Variants in HS6ST3 observed in about 807,000 individuals in gnomAD.
HS6ST3 encodes heparan-sulfate 6-O-sulfotransferase 3.
A neutral mutation model predicts 36.7 loss-of-function variants in HS6ST3; 12 were observed. The observed-to-expected ratio is 0.33, with a 90% CI of 0.21 to 0.53. The LOEUF (loss-of-function observed/expected upper bound fraction) is 0.53. HS6ST3 is among the 20% of genes least tolerant of loss of function. HS6ST3 has a pLI of 0.95. For synonymous variants in HS6ST3, 240 were observed against 257.5 expected (o/e 0.93, Z 0.65); for missense variants, 584 against 640.9 (o/e 0.91, Z 0.96).
intron 1 of HS6ST3, among the ~76,000 whole-genome samples, chr13:96,722,956 A>AAT (rs59997594): frequency 0.073 from 11,111 of 151,628 alleles, 461 homozygotes; most frequent in Middle Eastern, 0.099. Flanking sequence ...CAGCCTGGTC[A>AAT]ATAGAGCAAG....
intron 1 of HS6ST3, among the ~76,000 whole-genome samples, chr13:96,691,100 G>T (rs1164089979): frequency 1.3e-5 from 2 of 152,168 alleles, no homozygotes; most frequent in Middle Eastern, 3.4e-3. Context: ...GCCTTTAATG[G>T]ATCTGCTTCA....
chr13:96,211,668 C>T (rs1022800630), intron 1 of HS6ST3, among the ~76,000 whole-genome samples: 1 of 151,696 alleles, frequency 6.6e-6, no homozygotes, highest in African/African-American at 2.4e-5. Flanking sequence ...TCTTCTAGGA[C>T]AAAAAAAGAC....
intron 1 of HS6ST3, among the ~76,000 whole-genome samples, chr13:96,692,835 T>C (rs1875004583): frequency 6.6e-6 from 1 of 152,206 alleles, no homozygotes; most frequent in African/African-American, 2.4e-5. Flanking sequence ...ATCCAATTGC[T>C]ACTATCAAAA....
At position 96,241,870 on chromosome 13, in the gene HS6ST3, C is replaced by T. The variant is rs560039211; in HGVS notation, c.707+150301C>T. Among the ~76,000 whole-genome samples, 5 of 150,040 alleles carry T rather than the reference C, an allele frequency of 3.3e-5. No homozygotes were observed. In the East Asian group the frequency reaches 9.8e-4, roughly 29 times the overall value. ...GTGCGATCTATGCTCACTGCAAGCT[C>T]CGCCTCCCGGGTTCACGCCATTCTT... On this transcript the variant is annotated intron_variant, in intron 1 of 1. Transcript: ENST00000376705.
At chr13:96,464,630 G>A (rs1196787407) in intron 1 of HS6ST3, among the ~76,000 whole-genome samples, 1 of 152,268 alleles carries the variant, frequency 6.6e-6, no homozygotes, top group Non-Finnish European at 1.5e-5. Flanking sequence ...TATAATGGAA[G>A]AAGAGGGAGC....
chr13:96,692,970 T>C (rs1417873295), intron 1 of HS6ST3, among the ~76,000 whole-genome samples: 2 of 152,208 alleles, frequency 1.3e-5, no homozygotes, highest in Non-Finnish European at 2.9e-5. Flanking sequence ...AAAGGGCCAT[T>C]TGTAGCTAAC....
intron 1 of HS6ST3, among the ~76,000 whole-genome samples, chr13:96,642,832 A>T (rs1451297563): frequency 6.6e-6 from 1 of 151,912 alleles, no homozygotes; most frequent in Non-Finnish European, 1.5e-5. Flanking sequence ...TGGTTTTCTT[A>T]AATTCTTTAA....
At chr13:96,432,024 A>G (rs980568851) in intron 1 of HS6ST3, among the ~76,000 whole-genome samples, 17 of 152,138 alleles carry the variant, frequency 1.1e-4, no homozygotes, top group Non-Finnish European at 2.2e-4. Context: ...TTACGATTTC[A>G]GGTTCAAATC....
intron 1 of HS6ST3, among the ~76,000 whole-genome samples, chr13:96,661,630 T>A (rs2056646741): frequency 6.6e-6 from 1 of 152,166 alleles, no homozygotes; most frequent in Admixed American, 6.5e-5. Flanking sequence ...GTTTTGTTTC[T>A]GTCATGATAT....
chr13:96,304,681 T>TTC (rs1385035985), intron 1 of HS6ST3, among the ~76,000 whole-genome samples: 1 of 75,916 alleles, frequency 1.3e-5, no homozygotes, highest in Admixed American at 1.3e-4. Context: ...TTGCATGTTT[T>TTC]TCTTTCTTTC....
chr13:96,395,687 C>T (rs140000574), intron 1 of HS6ST3, among the ~76,000 whole-genome samples: 179 of 152,246 alleles, frequency 1.2e-3, no homozygotes, highest in African/African-American at 1.9e-3. Flanking sequence ...GACCCCTCTC[C>T]GCTCCCAGTT....
chr13:96,714,546 A>T (rs1875644044), intron 1 of HS6ST3, among the ~76,000 whole-genome samples: 1 of 152,158 alleles, frequency 6.6e-6, no homozygotes, highest in Non-Finnish European at 1.5e-5. Context: ...GCTGGTAGGA[A>T]TTTTAATTGG....
At chr13:96,645,819 A>C (rs1370252818) in intron 1 of HS6ST3, among the ~76,000 whole-genome samples, 1 of 151,918 alleles carries the variant, frequency 6.6e-6, no homozygotes, top group African/African-American at 2.4e-5. Context: ...AATGCCATGG[A>C]AATTGCTAAG....
At chr13:96,588,914 G>A (rs993574374) in intron 1 of HS6ST3, among the ~76,000 whole-genome samples, 4 of 151,954 alleles carry the variant, frequency 2.6e-5, no homozygotes, top group Non-Finnish European at 5.9e-5. Context: ...AGCCATGCAT[G>A]GTGGCACATG....
intron 1 of HS6ST3, among the ~76,000 whole-genome samples, chr13:96,590,422 C>T (rs1007432484): frequency 5.9e-5 from 9 of 151,956 alleles, no homozygotes; most frequent in South Asian, 2.1e-4. Flanking sequence ...TTTTGATTTG[C>T]GTTTCTCTGA....
At chr13:96,590,477 G>C (rs1168175375) in intron 1 of HS6ST3, among the ~76,000 whole-genome samples, 2 of 151,426 alleles carry the variant, frequency 1.3e-5, no homozygotes, top group Non-Finnish European at 2.9e-5. Context: ...TTTTCCATTT[G>C]TATGTCTTCT....
intron 1 of HS6ST3, among the ~76,000 whole-genome samples, chr13:96,392,468 A>C (rs1490737924): frequency 2.0e-5 from 3 of 152,176 alleles, no homozygotes; most frequent in Admixed American, 1.3e-4. Context: ...GAAAAAGAGA[A>C]CACGACCCCA....
intron 1 of HS6ST3, among the ~76,000 whole-genome samples, chr13:96,827,214 C>T (rs1239282063): frequency 6.6e-6 from 1 of 152,084 alleles, no homozygotes; most frequent in African/African-American, 2.4e-5. Context: ...TGCCTAGTCC[C>T]AGTGTTTGGC....
intron 1 of HS6ST3, among the ~76,000 whole-genome samples, chr13:96,350,263 G>A (rs1445878219): frequency 6.6e-6 from 1 of 152,060 alleles, no homozygotes; most frequent in African/African-American, 2.4e-5. Flanking sequence ...GACTTGAAAG[G>A]GTTTGAGCTG....
Sources: gnomAD v4.1 joint callset for allele counts (sites outside exome capture counted in the v4.1 genomes callset) on GRCh38, gnomAD v4.1.1 for gene constraint, MANE v1.5 for transcripts, NCBI Gene and HGNC (gene_info 2026-07-23, HGNC 2026-07-21) for gene names.